Variants in SLC2A9 observed in about 807,000 individuals in gnomAD.
SLC2A9 encodes the protein solute carrier family 2 member 9.
SLC2A9 carries 39 observed loss-of-function variants against 50.6 expected under a neutral mutation model. That is an observed-to-expected ratio of 0.77 (90% CI 0.60 to 1.01). The LOEUF (loss-of-function observed/expected upper bound fraction) is 1.01. Among genes scored for constraint, SLC2A9 ranks in the 50% least tolerant of loss-of-function variants. The pLI is 0.00. For synonymous variants in SLC2A9, 324 were observed against 276.9 expected (o/e 1.17, Z -1.69); for missense variants, 686 against 677.6 (o/e 1.01, Z -0.14).
At chr4:9,798,009 C>T (rs922709021), downstream of SLC2A9, among the ~76,000 whole-genome samples, 9 of 152,154 alleles carry the variant, frequency 5.9e-5, no homozygotes, top group South Asian at 4.1e-4. Flanking sequence ...AGTGAATGAA[C>T]GATGGATGGA....
chr4:9,976,788 T>C (rs1754876767), intron 5 of SLC2A9, among the ~76,000 whole-genome samples: 1 of 152,180 alleles, frequency 6.6e-6, no homozygotes, highest in Non-Finnish European at 1.5e-5. Context: ...AGCCTCAGAA[T>C]CTAGGTACCC....
chr4:9,937,982 T>C (rs1027126424), intron 6 of SLC2A9, among the ~76,000 whole-genome samples: 7 of 152,268 alleles, frequency 4.6e-5, no homozygotes, highest in African/African-American at 1.7e-4. Flanking sequence ...TCCACACTTC[T>C]GTGATCACAC....
At chr4:9,812,463 G>A (rs1054984788) in intron 3 of SLC2A9, among the ~76,000 whole-genome samples, 3 of 151,338 alleles carry the variant, frequency 2.0e-5, no homozygotes, top group African/African-American at 7.3e-5. Context: ...TTATATGTGT[G>A]AAAATACTTA....
At chr4:9,773,299 AGC>A (rs1285632970) in intron 1 of SLC2A9, among the ~76,000 whole-genome samples, 3 of 152,086 alleles carry the variant, frequency 2.0e-5, no homozygotes, top group Non-Finnish European at 4.4e-5. Flanking sequence ...TGCCAAGCTG[AGC>A]ACATTGGCAG....
intron 10 of SLC2A9, among the ~76,000 whole-genome samples, chr4:9,872,743 T>C (rs898289316): frequency 2.0e-5 from 3 of 152,216 alleles, no homozygotes; most frequent in Non-Finnish European, 4.4e-5. Context: ...AAAAACATTC[T>C]ACAGAATTCA....
chr4:10,008,463 G>T (rs914073360), intron 2 of SLC2A9, among the ~76,000 whole-genome samples: 6 of 152,174 alleles, frequency 3.9e-5, no homozygotes, highest in African/African-American at 1.4e-4. Flanking sequence ...TCTCATATTA[G>T]AGAAAAATTG....
At chr4:9,979,433 A>G (rs1169959892) in intron 5 of SLC2A9, among the ~76,000 whole-genome samples, 1 of 152,126 alleles carries the variant, frequency 6.6e-6, no homozygotes, top group African/African-American at 2.4e-5. Flanking sequence ...GCATTCGACC[A>G]TCATTAGTGG....
chr4:9,855,611 A>G (rs766398022), intron 10 of SLC2A9, among the ~76,000 whole-genome samples: 5 of 152,182 alleles, frequency 3.3e-5, no homozygotes, highest in Non-Finnish European at 5.9e-5. Context: ...ATTAGAAAAA[A>G]CTATTATAAA....
downstream of SLC2A9, chr4:9,826,108 A>C: frequency 2.5e-6 from 1 of 396,000 alleles, no homozygotes; most frequent in Non-Finnish European, 4.6e-6. Flanking sequence ...TGAAGAAGGC[A>C]GGTCATCTAC....
chr4:9,832,377 C>G (rs183407777), intron 11 of SLC2A9, among the ~76,000 whole-genome samples: 1 of 152,140 alleles, frequency 6.6e-6, no homozygotes, highest in Non-Finnish European at 1.5e-5. Context: ...GGAAATTAAC[C>G]GTGGGTGCCT....
intron 3 of SLC2A9, among the ~76,000 whole-genome samples, chr4:9,811,723 T>A (rs915410855): frequency 2.6e-5 from 4 of 152,190 alleles, no homozygotes; most frequent in African/African-American, 9.7e-5. Context: ...GGTTGTTTTT[T>A]CAAGCCACTA....
At chr4:9,869,226 A>G (rs1053469714) in intron 10 of SLC2A9, among the ~76,000 whole-genome samples, 17 of 152,182 alleles carry the variant, frequency 1.1e-4, no homozygotes, top group African/African-American at 3.9e-4. Context: ...AGTGGTCTCC[A>G]GCCTCAGGTC....
At chr4:9,967,113 T>G (rs1560403464) in intron 5 of SLC2A9, among the ~76,000 whole-genome samples, 1 of 152,246 alleles carries the variant, frequency 6.6e-6, no homozygotes, top group Non-Finnish European at 1.5e-5. Context: ...ATTGAACTTT[T>G]GATTGAAATT....
intron 1 of SLC2A9, among the ~76,000 whole-genome samples, chr4:9,773,910 C>A (rs1717173791): frequency 6.6e-6 from 1 of 151,934 alleles, no homozygotes; most frequent in Non-Finnish European, 1.5e-5. Context: ...GACCTAGCTG[C>A]ACATTATATT....
At chr4:9,821,690 C>T (rs1176203484), downstream of SLC2A9, among the ~76,000 whole-genome samples, 2 of 152,150 alleles carry the variant, frequency 1.3e-5, no homozygotes, top group Admixed American at 1.3e-4. Context: ...AAATATTGGT[C>T]TGCAGTTTTA....
chr4:9,993,493 T>A (rs1028874613), intron 3 of SLC2A9, among the ~76,000 whole-genome samples: 4 of 152,216 alleles, frequency 2.6e-5, no homozygotes, highest in Non-Finnish European at 5.9e-5. Context: ...TTTCATTTAA[T>A]CTTCACAACA....
At chr4:9,941,653 C>T (rs1483519227) in intron 6 of SLC2A9, among the ~76,000 whole-genome samples, 15 of 152,202 alleles carry the variant, frequency 9.9e-5, no homozygotes, top group Admixed American at 9.8e-4. Flanking sequence ...AGTGAGGGAA[C>T]CTGCGTCTTA....
chr4:9,826,713 G>A, intron 11 of SLC2A9, 113 bp from the exon 12 acceptor site: 1 of 948,232 alleles, frequency 1.1e-6, no homozygotes, highest in Middle Eastern at 3.1e-4. Context: ...AATACTCCTA[G>A]ACAAAACACC....
chr4:9,980,935 G>A (rs1755642713), intron 4 of SLC2A9, among the ~76,000 whole-genome samples, 198 bp from the exon 5 acceptor site: 1 of 152,162 alleles, frequency 6.6e-6, no homozygotes, highest in South Asian at 2.1e-4. Flanking sequence ...TATGACTGGA[G>A]GTGCATTTCA....
Sources: gnomAD v4.1 joint callset for allele counts (sites outside exome capture counted in the v4.1 genomes callset) on GRCh38, gnomAD v4.1.1 for gene constraint, MANE v1.5 for transcripts, NCBI Gene and HGNC (gene_info 2026-07-23, HGNC 2026-07-21) for gene names.